The following MTO1 variants were observed in gnomAD, a reference collection of about 807,000 sequenced individuals.
The protein encoded by MTO1 is 5-taurinomethyluridine-[tRNA] synthase subunit MTO1, mitochondrial.
MTO1 carries 46 observed loss-of-function variants against 71.6 expected under a neutral mutation model. The ratio of observed to expected loss-of-function variants is 0.64; its 90% CI spans 0.51 to 0.82. The LOEUF (loss-of-function observed/expected upper bound fraction) is 0.82. Among genes scored for constraint, MTO1 ranks in the 40% least tolerant of loss-of-function variants. The pLI is 0.00. For missense variants in MTO1, 773 were observed against 867.5 expected (o/e 0.89, Z 1.37); for synonymous variants, 297 against 312.1 (o/e 0.95, Z 0.51).
intron 1 of MTO1, among the ~76,000 whole-genome samples, chr6:73,464,992 G>A (rs187775394): frequency 1.3e-5 from 2 of 152,126 alleles, no homozygotes; most frequent in Admixed American, 1.3e-4. Flanking sequence ...GTAAGACTGG[G>A]TAAATGTAAG....
chr6:73,475,759 G>A (rs1433926747), intron 4 of MTO1, among the ~76,000 whole-genome samples: 4 of 152,002 alleles, frequency 2.6e-5, no homozygotes, highest in Admixed American at 1.3e-4. Context: ...TGATCCGCCC[G>A]CCTCGGCCTC....
In MTO1 at chr6:73,509,096, T is replaced by C. The variant is rs1772359210; in HGVS notation, c.*8361T>C. On this transcript the variant is annotated 3_prime_UTR_variant, in exon 12 of 12. Coordinates refer to ENST00000498286, the MANE Select transcript of MTO1 (RefSeq NM_012123.4). Reference sequence around the variant, plus strand: ...AACACCAACTAGGATATTCCCTCAATCACATGATTGTACTGAAAATATAAC... The same window carrying C: ...AACACCAACTAGGATATTCCCTCAACCACATGATTGTACTGAAAATATAAC... 1 of 152,220 alleles carries C rather than the reference T, an allele frequency of 6.6e-6. No individual in the cohort carries two copies. Among genetic ancestry groups the C allele is most frequent in the South Asian group, 2.1e-4 (1 of 4,836 alleles). 9.4% of individuals were successfully genotyped at this position (152,220 alleles called of 1,614,324 possible).
intron 3 of MTO1, among the ~76,000 whole-genome samples, chr6:73,472,325 TATTTA>T (rs1771180899): frequency 6.6e-6 from 1 of 152,184 alleles, no homozygotes; most frequent in Non-Finnish European, 1.5e-5. Context: ...TTTATTCCCC[TATTTA>T]ATTTTCTTTG....
Position 73,461,890 on chromosome 6 carries a change from G to T in MTO1, c.36G>T (p.Ala12=). The T allele has an allele frequency of 6.2e-7, 1 of 1,614,032 alleles. No individual in the cohort carries two copies. The highest frequency in any genetic ancestry group is 8.5e-7 in the Non-Finnish European group (1 of 1,179,856). The change falls in exon 1 of 12, where the codon GCG becomes GCT. Residue 12 remains alanine (A), a synonymous_variant. Coordinates refer to ENST00000498286, the MANE Select transcript of MTO1 (RefSeq NM_012123.4). ...TCCGAGGCTGTGGCCGTTGGGTCGC[G>T]GTTTCCTTCACCAAGCAGCAATTTC... is the stretch of plus-strand genomic sequence containing the variant. ...FYFRGCGRWV[A]VSFTKQQFPL...
chr6:73,466,143 C>T lies in MTO1; in HGVS notation c.218-66C>T, dbSNP rs559264085. 6.7e-6 allele frequency: 9 copies of T among 1,340,122 alleles called. No individual in the cohort carries two copies. The South Asian group carries it at 9.8e-5, about 15-fold the overall frequency. 83.0% of individuals were successfully genotyped at this position (1,340,122 alleles called of 1,614,324 possible). On this transcript the variant is annotated intron_variant, in intron 1 of 11. Coordinates refer to ENST00000498286, the MANE Select transcript of MTO1 (RefSeq NM_012123.4). ...TTATAGTCACCTGTATAAATGTTTC[C>T]TTATTAAGTAGTCACTATGTGCAAG...
Position 73,482,218 on chromosome 6 carries a change from A to G in MTO1, c.1439A>G (p.Asn480Ser), listed in dbSNP as rs1771521650. ...TTCCGTTTGTCACTGCGCCCTGATAATGCTGACAGCCGGCTCACACTGCGA... is the reference window on the plus strand; with the variant it reads ...TTCCGTTTGTCACTGCGCCCTGATAGTGCTGACAGCCGGCTCACACTGCGA... ...VEFRLSLRPD[N>S]ADSRLTLRGY... is the part of the protein sequence containing the mutation. Residue 480 changes from asparagine (N) to serine (S), a missense_variant, in exon 8 of 12, where the codon AAT (asparagine) becomes AGT (serine). Physicochemically the swap from Asn to Ser is conservative, Grantham distance 46. Transcript: ENST00000498286. 1 of 1,614,002 alleles carries G rather than the reference A, an allele frequency of 6.2e-7. No homozygotes were observed. Among genetic ancestry groups the G allele is most frequent in the South Asian group, 1.1e-5 (1 of 91,088 alleles).
At chr6:73,479,399 G>A (rs1771423561) in intron 4 of MTO1, among the ~76,000 whole-genome samples, 1 of 152,098 alleles carries the variant, frequency 6.6e-6, no homozygotes, top group Admixed American at 6.6e-5. Context: ...GGAGGCTGAG[G>A]CAGGAGAATC....
Position 73,466,612 on chromosome 6 carries a change from T to C in MTO1, c.535+6T>C. The C allele has an allele frequency of 6.2e-7, 1 of 1,605,222 alleles. No homozygotes were observed. The highest frequency in any genetic ancestry group is 8.5e-7 in the Non-Finnish European group (1 of 1,172,008). On this transcript the variant is annotated splice_donor_region_variant and intron_variant, in intron 3 of 11. Transcript: ENST00000498286. ...TGTCAGTGGGGTTGTTTTGGGTACG[T>C]ATTGGTTATAGATGGTGTATGATAA...
At position 73,479,807 on chromosome 6, in the gene MTO1, C is replaced by T. The variant is rs762434502; in HGVS notation, c.901C>T (p.Leu301Phe). ...VDEIVLKNLH[L>F]NSHVKETTRG... ...TGAGATTGTCCTTAAGAACCTTCAC[C>T]TTAATAGTCATGTTAAAGAAACGAC... Residue 301 changes from leucine to phenylalanine, a missense_variant, in exon 5 of 12, where the codon CTT becomes TTT. By Grantham distance (22) the Leu-to-Phe change is conservative. Coordinates refer to ENST00000498286, the MANE Select transcript of MTO1 (RefSeq NM_012123.4). 20 of 1,613,532 alleles carry T rather than the reference C, an allele frequency of 1.2e-5. No individual in the cohort carries two copies. In the South Asian group the frequency reaches 2.1e-4, roughly 17 times the overall value.
rs1043367556 is a variant in MTO1, at chr6:73,506,538, G to A, written c.*5803G>A. On this transcript the variant is annotated 3_prime_UTR_variant, in exon 12 of 12. Transcript: ENST00000498286. ...CACTCCCATGTAAGAAGTGCCTTTC[G>A]CCTCCCGCCAAGATTCTGAGGCTTC... 61 of 156,212 alleles carry A rather than the reference G, an allele frequency of 3.9e-4. No homozygotes were observed. Among genetic ancestry groups the A allele is most frequent in the Admixed American group, 3.9e-4 (6 of 15,298 alleles). The allele number at this position is 156,212 out of a possible 1,614,324, so 9.7% of individuals were successfully genotyped here.
At chr6:73,485,441 CTT>C (rs1234020094) in intron 9 of MTO1, among the ~76,000 whole-genome samples, 25 of 142,038 alleles carry the variant, frequency 1.8e-4, no homozygotes, top group Non-Finnish European at 1.7e-4. Context: ...TTCTTTCTTT[CTT>C]TTTTTTTTTT....
rs1323165206 is a variant in MTO1, at chr6:73,488,645, T to C, written c.1638-3589T>C. On this transcript the variant is annotated intron_variant, in intron 9 of 11. Coordinates refer to ENST00000498286, the MANE Select transcript of MTO1 (RefSeq NM_012123.4). ...TTAATGTAGGCTGGGCATGGTAGCTTGTGCCTGTAATTTCAGCACTTGGGA... is the reference window on the plus strand; with the variant it reads ...TTAATGTAGGCTGGGCATGGTAGCTCGTGCCTGTAATTTCAGCACTTGGGA... Among the ~76,000 whole-genome samples the C allele has an allele frequency of 6.6e-5, 10 of 152,086 alleles. No individual in the cohort carries two copies. In the Middle Eastern group the frequency reaches 0.01, roughly 155 times the overall value.
At chr6:73,466,641 C>T (rs1771006594) in intron 3 of MTO1, 35 bp downstream of exon 3, 3 of 1,537,972 alleles carry the variant, frequency 2.0e-6, no homozygotes, top group Non-Finnish European at 1.8e-6. Flanking sequence ...ATGATAACAG[C>T]ATATCAAATT....
chr6:73,492,094 A>G lies in MTO1; in HGVS notation c.1638-140A>G. The G allele has an allele frequency of 1.0e-5, 5 of 501,672 alleles. No individual in the cohort carries two copies. The South Asian group carries it at 1.1e-4, about 11-fold the overall frequency. 31.1% of individuals were successfully genotyped at this position (501,672 alleles called of 1,614,324 possible). A position where few individuals can be genotyped will look rare whatever the true frequency, so the allele number is the denominator to read the frequency against. Reference sequence around the variant, plus strand: ...TACAGTTGATGGGCGACAGAGCGAGACTCCATCTCAAAAAAAAAAAAAAAG... The same window carrying G: ...TACAGTTGATGGGCGACAGAGCGAGGCTCCATCTCAAAAAAAAAAAAAAAG... On this transcript the variant is annotated intron_variant, in intron 9 of 11. Transcript: ENST00000498286.
chr6:73,495,819 A>G (rs1771963822), intron 10 of MTO1, among the ~76,000 whole-genome samples: 1 of 152,182 alleles, frequency 6.6e-6, no homozygotes, highest in Non-Finnish European at 1.5e-5. Flanking sequence ...TTATATTACA[A>G]TTTGCTGTAC....
chr6:73,466,219 A>C lies in MTO1; in HGVS notation c.228A>C (p.Ser76=). ...GTCTATTATCTTTAGGTCAGATGTC[A>C]TGTAATCCTTCCTTTGGTGGCATCG... ...THRVDTIGQM[S]CNPSFGGIGK... Residue 76 remains serine (S), a synonymous_variant, in exon 2 of 12, where the codon TCA becomes TCC. Coordinates refer to ENST00000498286, the MANE Select transcript of MTO1 (RefSeq NM_012123.4). 6.2e-7 allele frequency: 1 copy of C among 1,612,920 alleles called. No homozygotes were observed. Among genetic ancestry groups the C allele is most frequent in the South Asian group, 1.1e-5 (1 of 91,054 alleles).
At chr6:73,491,257 C>T (rs1026349844) in intron 9 of MTO1, among the ~76,000 whole-genome samples, 14 of 55,158 alleles carry the variant, frequency 2.5e-4, no homozygotes, top group African/African-American at 8.7e-4. Flanking sequence ...GTAGATTATA[C>T]CAAATTAGGA....
At chr6:73,481,087 G>A (rs1472621387) in intron 7 of MTO1, 2 of 396,262 alleles carry the variant, frequency 5.0e-6, no homozygotes, top group Non-Finnish European at 4.7e-6. Context: ...CCTAGTAGCT[G>A]GGACTGCAGG....
intron 11 of MTO1, 51 bp from the exon 12 acceptor site, chr6:73,500,523 G>T (rs1314634628): frequency 6.7e-7 from 1 of 1,501,036 alleles, no homozygotes; most frequent in African/African-American, 1.4e-5. Context: ...AAATAGATTT[G>T]ATTTGACATA....
Sources: allele counts gnomAD v4.1 joint callset (sites outside exome capture counted in the v4.1 genomes callset), GRCh38; gene constraint gnomAD v4.1.1; transcripts MANE v1.5; gene names NCBI Gene and HGNC (gene_info 2026-07-23, HGNC 2026-07-21).